Variants in GALNTL6 observed in about 807,000 individuals in gnomAD.
The protein encoded by GALNTL6 is polypeptide N-acetylgalactosaminyltransferase-like 6.
Under a neutral mutation model 73.7 loss-of-function variants are expected in GALNTL6, and 46 were observed. That is an observed-to-expected ratio of 0.62 (90% confidence interval 0.49 to 0.80). The LOEUF (loss-of-function observed/expected upper bound fraction) is 0.80, where lower values mean the gene tolerates loss of function less well. GALNTL6 is among the 30% of genes least tolerant of loss of function. The pLI, the probability that GALNTL6 is intolerant of heterozygous loss-of-function variation, is 0.00. For missense variants in GALNTL6, 604 were observed against 755.0 expected, an observed-to-expected ratio of 0.80 and a Z score of 2.34; for synonymous variants, 259 against 263.7, an observed-to-expected ratio of 0.98 and a Z score of 0.17.
Position 172,757,456 on chromosome 4 carries a change from T to A in GALNTL6, c.554-51905T>A, listed in dbSNP as rs145509933. ...CCCTGAGAGTTAAGACAGGTGATATTTTTTCCATTTTACTGGTGAGGAAAC... is the reference window on the plus strand; with the variant it reads ...CCCTGAGAGTTAAGACAGGTGATATATTTTCCATTTTACTGGTGAGGAAAC... On this transcript the variant is annotated intron_variant, in intron 5 of 12. Transcript: ENST00000506823. 1.1e-3 allele frequency among the ~76,000 whole-genome samples: 171 copies of A among 152,320 alleles called. 1 individual carries two copies. The highest frequency in any genetic ancestry group is 4.0e-3 in the African/African-American group (165 of 41,578).
At chr4:172,376,119 G>A (rs1330061289) in intron 5 of GALNTL6, among the ~76,000 whole-genome samples, 5 of 152,170 alleles carry the variant, frequency 3.3e-5, no homozygotes, top group African/African-American at 1.2e-4. Context: ...CAAAAATTGT[G>A]TCCTTCTGAT....
intron 2 of GALNTL6, among the ~76,000 whole-genome samples, chr4:171,972,886 A>G (rs1313631278): frequency 1.3e-5 from 2 of 152,186 alleles, no homozygotes; most frequent in Non-Finnish European, 2.9e-5. Flanking sequence ...GAAGCTATTT[A>G]TCTGAATTAC....
intron 2 of GALNTL6, among the ~76,000 whole-genome samples, chr4:171,908,179 A>G (rs1737353844): frequency 6.6e-6 from 1 of 152,316 alleles, no homozygotes; most frequent in Non-Finnish European, 1.5e-5. Context: ...TCTGCACAGC[A>G]AAAGAAACTA....
At chr4:172,647,938 C>T (rs1223628363) in intron 5 of GALNTL6, among the ~76,000 whole-genome samples, 1 of 152,114 alleles carries the variant, frequency 6.6e-6, no homozygotes, top group African/African-American at 2.4e-5. Context: ...AAGGAAGCCA[C>T]CCACTATTCA....
At chr4:172,531,682 T>A (rs940989786) in intron 5 of GALNTL6, among the ~76,000 whole-genome samples, 3 of 152,196 alleles carry the variant, frequency 2.0e-5, no homozygotes, top group Non-Finnish European at 4.4e-5. Flanking sequence ...ATGGTAATGC[T>A]GCTGGCTGAG....
intron 5 of GALNTL6, among the ~76,000 whole-genome samples, chr4:172,689,798 A>G (rs1733156146): frequency 6.6e-6 from 1 of 152,198 alleles, no homozygotes; most frequent in Admixed American, 6.5e-5. Context: ...AGTAGAGCAT[A>G]TGTACCTTCA....
chr4:172,243,866 C>G (rs1310791569), intron 3 of GALNTL6, among the ~76,000 whole-genome samples: 1 of 152,094 alleles, frequency 6.6e-6, no homozygotes, highest in Non-Finnish European at 1.5e-5. Context: ...CAGAAATGTG[C>G]ACCATTTGGG....
At chr4:172,128,497 T>G (rs1430736570) in intron 2 of GALNTL6, among the ~76,000 whole-genome samples, 1 of 152,190 alleles carries the variant, frequency 6.6e-6, no homozygotes, top group Non-Finnish European at 1.5e-5. Flanking sequence ...TAGAGCTGAA[T>G]TATATTTCTG....
intron 5 of GALNTL6, among the ~76,000 whole-genome samples, chr4:172,466,798 T>G (rs937728318): frequency 6.6e-6 from 1 of 152,254 alleles, no homozygotes. Flanking sequence ...TGTGAGACTT[T>G]AGATAACTAG....
chr4:172,685,170 G>A lies in GALNTL6; in HGVS notation c.554-124191G>A, dbSNP rs747880296. On this transcript the variant is annotated intron_variant, in intron 5 of 12. Coordinates refer to ENST00000506823, the MANE Select transcript of GALNTL6 (RefSeq NM_001034845.3). ...AGGAGAGAAATGTAGAAGGGCAAAA[G>A]TAAAAATAAAAATTCACCGAGATTC... Among the ~76,000 whole-genome samples, 2 of 152,002 alleles carry A rather than the reference G, an allele frequency of 1.3e-5. 1 individual carries two copies. Among genetic ancestry groups the A allele is most frequent in the Middle Eastern group, 6.8e-3 (2 of 294 alleles).
intron 5 of GALNTL6, among the ~76,000 whole-genome samples, chr4:172,409,789 G>C (rs924322465): frequency 1.3e-5 from 2 of 151,912 alleles, no homozygotes; most frequent in Non-Finnish European, 2.9e-5. Flanking sequence ...AGACCTGCAG[G>C]CATCAACATC....
At chr4:172,337,307 G>A (rs1741371647) in intron 4 of GALNTL6, among the ~76,000 whole-genome samples, 1 of 151,944 alleles carries the variant, frequency 6.6e-6, no homozygotes, top group Non-Finnish European at 1.5e-5. Flanking sequence ...TGATATGTGA[G>A]GTTTTAATTC....
chr4:172,867,806 A>ACAT lies in GALNTL6; in HGVS notation c.924-14983_924-14981dup, dbSNP rs374622720. On this transcript the variant is annotated intron_variant, in intron 7 of 12. Transcript: ENST00000506823. ...CTTTTTCAGCTATAGGGAACAGGGA[A>ACAT]CATTATGACCACACAGGGAGGAAAG... 4.7e-3 allele frequency among the ~76,000 whole-genome samples: 717 copies of ACAT among 152,346 alleles called. 8 individuals are homozygous for ACAT. Among genetic ancestry groups the ACAT allele is most frequent in the African/African-American group, 0.015 (605 of 41,578 alleles).
intron 5 of GALNTL6, among the ~76,000 whole-genome samples, chr4:172,777,237 G>A (rs924151849): frequency 6.6e-6 from 1 of 152,066 alleles, no homozygotes; most frequent in African/African-American, 2.4e-5. Context: ...ACAGGCATTG[G>A]AAATTATTTA....
At chr4:172,933,252 C>T (rs1374758016) in intron 9 of GALNTL6, among the ~76,000 whole-genome samples, 1 of 152,010 alleles carries the variant, frequency 6.6e-6, no homozygotes, top group Non-Finnish European at 1.5e-5. Flanking sequence ...CCTGCTTGTG[C>T]TCTGAAAAGA....
intron 7 of GALNTL6, among the ~76,000 whole-genome samples, chr4:172,817,363 TG>T (rs1189628158): frequency 3.3e-5 from 5 of 151,882 alleles, no homozygotes; most frequent in South Asian, 2.1e-4. Flanking sequence ...CCTAAGAAGT[TG>T]AGGTTTCAGT....
intron 7 of GALNTL6, among the ~76,000 whole-genome samples, chr4:172,830,586 G>A (rs993893347): frequency 5.3e-5 from 8 of 152,196 alleles, no homozygotes; most frequent in East Asian, 1.9e-4. Flanking sequence ...CATCCAGGCC[G>A]GATGCCCAAC....
intron 2 of GALNTL6, among the ~76,000 whole-genome samples, chr4:171,985,001 A>G (rs573452231): frequency 9.9e-5 from 15 of 152,088 alleles, no homozygotes; most frequent in South Asian, 2.1e-4. Context: ...AAAACAAAAA[A>G]AAAAAAGAAA....
At chr4:171,828,347 C>A (rs143157785) in intron 2 of GALNTL6, among the ~76,000 whole-genome samples, 13 of 152,262 alleles carry the variant, frequency 8.5e-5, no homozygotes, top group African/African-American at 3.1e-4. Context: ...TCTCATATTT[C>A]TGGCCATGCT....
Sources: gnomAD v4.1 joint callset for allele counts (sites outside exome capture counted in the v4.1 genomes callset) on GRCh38, gnomAD v4.1.1 for gene constraint, MANE v1.5 for transcripts, NCBI Gene and HGNC (gene_info 2026-07-23, HGNC 2026-07-21) for gene names.